Variants in PLS1 observed in about 807,000 individuals in gnomAD.
PLS1 encodes the protein plastin 1, also known as plastin-1.
Under a neutral mutation model 73.7 loss-of-function variants are expected in PLS1, and 32 were observed. The ratio of observed to expected loss-of-function variants is 0.43; its 90% CI spans 0.33 to 0.58. The LOEUF (loss-of-function observed/expected upper bound fraction) is 0.58, where lower values mean the gene tolerates loss of function less well. Ranked by LOEUF, PLS1 falls within the 20% of genes least tolerant of loss-of-function variation. PLS1 has a pLI of 0.04. For synonymous variants in PLS1, 217 were observed against 261.3 expected (o/e 0.83, Z 1.63); for missense variants, 633 against 740.5 (o/e 0.85, Z 1.68).
intron 1 of PLS1, among the ~76,000 whole-genome samples, chr3:142,602,604 C>T (rs889295324): frequency 1.3e-5 from 2 of 152,006 alleles, no homozygotes; most frequent in African/African-American, 2.4e-5. Context: ...TAAAGGCCCC[C>T]CCCACCCCAT....
At chr3:142,661,864 G>T (rs570089480) in intron 1 of PLS1, among the ~76,000 whole-genome samples, 5 of 152,266 alleles carry the variant, frequency 3.3e-5, no homozygotes, top group African/African-American at 1.2e-4. Context: ...AATAAGAGTT[G>T]TGGCTACTCT....
At chr3:142,647,218 A>G (rs1443644213) in intron 1 of PLS1, among the ~76,000 whole-genome samples, 2 of 152,242 alleles carry the variant, frequency 1.3e-5, no homozygotes, top group African/African-American at 4.8e-5. Context: ...AATCATCACC[A>G]TCATTGCCAC....
At chr3:142,670,479 A>AT (rs945704607) in intron 3 of PLS1, among the ~76,000 whole-genome samples, 5 of 151,834 alleles carry the variant, frequency 3.3e-5, no homozygotes, top group African/African-American at 1.2e-4. Flanking sequence ...TCAGATTTGC[A>AT]TTTAAAAAAA....
At chr3:142,623,052 G>A (rs2036346961) in intron 1 of PLS1, among the ~76,000 whole-genome samples, 2 of 152,062 alleles carry the variant, frequency 1.3e-5, no homozygotes, top group Non-Finnish European at 2.9e-5. Context: ...TTGTACTCCT[G>A]GGCTCAGGTG....
chr3:142,706,061 C>T (rs1273620170), intron 14 of PLS1, among the ~76,000 whole-genome samples: 1 of 152,030 alleles, frequency 6.6e-6, no homozygotes, highest in Non-Finnish European at 1.5e-5. Flanking sequence ...AAATTATATG[C>T]ATTTGCACAT....
chr3:142,685,756 T>C (rs1209359395), intron 8 of PLS1, among the ~76,000 whole-genome samples: 1 of 152,258 alleles, frequency 6.6e-6, no homozygotes, highest in Non-Finnish European at 1.5e-5. Flanking sequence ...TCATAAGGCC[T>C]GTCCAAATTA....
intron 1 of PLS1, among the ~76,000 whole-genome samples, chr3:142,640,273 T>C (rs777397117): frequency 5.3e-5 from 8 of 152,212 alleles, no homozygotes; most frequent in Non-Finnish European, 1.2e-4. Context: ...ATTTATCTTT[T>C]GGTAGGGTTT....
chr3:142,670,783 A>T (rs7649271), intron 3 of PLS1, among the ~76,000 whole-genome samples: 4 of 152,204 alleles, frequency 2.6e-5, no homozygotes, highest in African/African-American at 9.6e-5. Context: ...CTTAGTTATA[A>T]AAAATTTATT....
chr3:142,657,184 A>T (rs906283547), intron 1 of PLS1: 4 of 152,100 alleles, frequency 2.6e-5, no homozygotes, highest in Admixed American at 2.0e-4. Context: ...CTCTCCGGTG[A>T]GGTTCTGTTG....
Position 142,671,233 on chromosome 3 carries a change from G to A in PLS1, c.364+111G>A, listed in dbSNP as rs1414472336. 7 of 933,992 alleles carry A rather than the reference G, an allele frequency of 7.5e-6. No individual in the cohort carries two copies. The East Asian group carries it at 1.5e-4, about 20-fold the overall frequency. 57.9% of individuals were successfully genotyped at this position (933,992 alleles called of 1,614,324 possible). A position where few individuals can be genotyped will look rare whatever the true frequency, so the allele number is the denominator to read the frequency against. ...TGTGATTCATACCGTTATTTTATGT[G>A]CCACTGAGGAGAAAAAAATACTGCA... On this transcript the variant is annotated intron_variant, in intron 4 of 15. Coordinates refer to ENST00000457734, the MANE Select transcript of PLS1 (RefSeq NM_001145319.2).
chr3:142,660,960 CAAACACTGTT>C (rs1026185666), intron 1 of PLS1, among the ~76,000 whole-genome samples: 3 of 152,106 alleles, frequency 2.0e-5, no homozygotes, highest in African/African-American at 7.2e-5. Context: ...AAGGTCAACA[CAAACACTGTT>C]AATTTGCAGC....
Position 142,664,268 on chromosome 3 carries a change from G to A in PLS1, c.31G>A (p.Glu11Lys). The change falls in exon 2 of 16, where the codon GAG becomes AAG. Residue 11 changes from glutamate (E) to lysine (K), a missense_variant. By Grantham distance (56) the Glu-to-Lys change is moderately conservative. Transcript: ENST00000457734. The stretch of plus-strand genomic sequence containing the variant: ...AAACAGTACTACTACCATTTCTCGG[G>A]AGGAGCTTGAAGAACTACAAGAGGC... MENSTTTISR[E>K]ELEELQEAFN... is the part of the protein sequence containing the mutation. 7 of 1,594,832 alleles carry A rather than the reference G, an allele frequency of 4.4e-6. No individual in the cohort carries two copies. Among genetic ancestry groups the A allele is most frequent in the Non-Finnish European group, 6.0e-6 (7 of 1,165,028 alleles).
intron 1 of PLS1, among the ~76,000 whole-genome samples, chr3:142,629,002 A>C (rs925247239): frequency 1.3e-5 from 2 of 152,314 alleles, no homozygotes; most frequent in East Asian, 3.9e-4. Context: ...CCTTAGATTG[A>C]ATAGTGATCA....
At chr3:142,678,137 T>G (rs201559656) in intron 6 of PLS1, 24 bp downstream of exon 6, 46 of 1,182,146 alleles carry the variant, frequency 3.9e-5, no homozygotes, top group Admixed American at 2.5e-4. Context: ...CTTTGCTTAT[T>G]ATCATGTTAC....
intron 12 of PLS1, among the ~76,000 whole-genome samples, chr3:142,699,692 A>G (rs1226082948): frequency 2.6e-5 from 4 of 152,240 alleles, no homozygotes; most frequent in Non-Finnish European, 5.9e-5. Context: ...CAAAATACAT[A>G]ACACATACAG....
intron 1 of PLS1, among the ~76,000 whole-genome samples, chr3:142,620,758 C>A (rs1347028456): frequency 1.3e-5 from 2 of 152,092 alleles, no homozygotes; most frequent in Non-Finnish European, 2.9e-5. Flanking sequence ...GTGGCTCATG[C>A]CTGTAATCAC....
intron 1 of PLS1, among the ~76,000 whole-genome samples, chr3:142,637,957 A>G (rs923962770): frequency 3.3e-5 from 5 of 151,534 alleles, no homozygotes; most frequent in African/African-American, 4.9e-5. Flanking sequence ...TCCTGCTGTC[A>G]CTGCTCTCGA....
chr3:142,604,197 C>T (rs146185049), intron 1 of PLS1, among the ~76,000 whole-genome samples: 10 of 152,208 alleles, frequency 6.6e-5, no homozygotes, highest in Non-Finnish European at 1.5e-4. Context: ...GTGGAAGGAT[C>T]GGTCTTGTTA....
chr3:142,598,709 T>C (rs185552258), intron 1 of PLS1, among the ~76,000 whole-genome samples: 1 of 152,290 alleles, frequency 6.6e-6, no homozygotes, highest in East Asian at 1.9e-4. Flanking sequence ...TAAAAGTACC[T>C]CCAATTGGCT....
Sources: gnomAD v4.1 joint callset for allele counts (sites outside exome capture counted in the v4.1 genomes callset) on GRCh38, gnomAD v4.1.1 for gene constraint, MANE v1.5 for transcripts, NCBI Gene and HGNC (gene_info 2026-07-23, HGNC 2026-07-21) for gene names.